Variants in CLASP1 observed in about 807,000 individuals in gnomAD.
CLASP1 encodes cytoplasmic linker associated protein 1.
In CLASP1, 38 loss-of-function variants were observed where a neutral mutation model predicts 192.3. The observed-to-expected ratio is 0.20, with a 90% CI of 0.15 to 0.26. CLASP1 has a LOEUF of 0.26. Among genes scored for constraint, CLASP1 ranks in the 10% least tolerant of loss-of-function variants. CLASP1 has a pLI of 1.00. For missense variants in CLASP1, 1,433 were observed against 1,932.5 expected, an observed-to-expected ratio of 0.74 and a Z score of 4.85; for synonymous variants, 691 against 712.8, an observed-to-expected ratio of 0.97 and a Z score of 0.49.
chr2:121,543,022 T>G (rs2095264309), intron 2 of CLASP1, among the ~76,000 whole-genome samples: 1 of 152,270 alleles, frequency 6.6e-6, no homozygotes, highest in Admixed American at 6.5e-5. Flanking sequence ...TAGCCGCATA[T>G]GGTTACTGAG....
At chr2:121,562,364 A>C (rs997373676) in intron 2 of CLASP1, among the ~76,000 whole-genome samples, 1 of 152,236 alleles carries the variant, frequency 6.6e-6, no homozygotes, top group African/African-American at 2.4e-5. Context: ...AATGCTCAGC[A>C]CGTGGCCTAG....
intron 19 of CLASP1, among the ~76,000 whole-genome samples, chr2:121,438,924 C>A: frequency 6.7e-6 from 1 of 150,272 alleles, no homozygotes; most frequent in Non-Finnish European, 1.5e-5. Flanking sequence ...CCTCCTTGTA[C>A]CTCTGGTAGA....
intron 6 of CLASP1, among the ~76,000 whole-genome samples, chr2:121,524,171 G>C (rs1304871641): frequency 6.6e-6 from 1 of 152,202 alleles, no homozygotes; most frequent in Non-Finnish European, 1.5e-5. Context: ...GTCAGCAACT[G>C]AATGAGGAGA....
intron 2 of CLASP1, among the ~76,000 whole-genome samples, chr2:121,554,742 G>C (rs1207954437): frequency 2.0e-5 from 3 of 152,228 alleles, no homozygotes; most frequent in African/African-American, 7.2e-5. Context: ...GGGTAGAAGT[G>C]AGTGTTGACT....
At position 121,347,005 on chromosome 2, in the gene CLASP1, T is replaced by A. The variant is rs758797191; in HGVS notation, c.4530+33A>T. 9 of 1,317,054 alleles carry A rather than the reference T, an allele frequency of 6.8e-6. No homozygotes were observed. The South Asian group carries it at 1.0e-4, about 15-fold the overall frequency. The allele number at this position is 1,317,054 out of a possible 1,614,324, so 81.6% of individuals were successfully genotyped here. On this transcript the variant is annotated intron_variant, in intron 39 of 39. Coordinates refer to ENST00000263710, the Ensembl canonical transcript of CLASP1. ...TTATGACAAGCTGGCAGAGCCCAGG[T>A]GTGCGTATCAGCCCAGGTAACACTA...
chr2:121,519,476 C>T (rs2094406945), intron 6 of CLASP1, among the ~76,000 whole-genome samples: 1 of 152,172 alleles, frequency 6.6e-6, no homozygotes, highest in Non-Finnish European at 1.5e-5. Context: ...CTTTACCAGG[C>T]CTTCTACCCT....
intron 1 of CLASP1, among the ~76,000 whole-genome samples, chr2:121,641,199 C>G (rs780810059): frequency 2.6e-5 from 4 of 152,066 alleles, no homozygotes; most frequent in Admixed American, 6.6e-5. Flanking sequence ...TTAGCATGTC[C>G]GGGCTACTGT....
At chr2:121,589,411 C>T (rs975800955) in intron 2 of CLASP1, among the ~76,000 whole-genome samples, 3 of 152,130 alleles carry the variant, frequency 2.0e-5, no homozygotes, top group African/African-American at 7.2e-5. Context: ...GGGCAGACCA[C>T]CTAAGGTCAA....
At chr2:121,478,762 C>CACCACA (rs2092079410) in intron 8 of CLASP1, among the ~76,000 whole-genome samples, 1 of 63,592 alleles carries the variant, frequency 1.6e-5, no homozygotes, top group East Asian at 4.5e-4. Context: ...CACACACACA[C>CACCACA]CACACACCCC....
At chr2:121,561,495 G>C (rs1676390374) in intron 2 of CLASP1, among the ~76,000 whole-genome samples, 1 of 152,114 alleles carries the variant, frequency 6.6e-6, no homozygotes, top group African/African-American at 2.4e-5. Flanking sequence ...CAAATATTTA[G>C]ATCAAAAGTA....
At chr2:121,387,553 T>C (rs567074409) in intron 31 of CLASP1, among the ~76,000 whole-genome samples, 12 of 152,320 alleles carry the variant, frequency 7.9e-5, no homozygotes, top group Admixed American at 2.0e-4. Context: ...AGTGAAAATG[T>C]AGTTGACTGA....
chr2:121,505,554 C>A (rs146712053), intron 7 of CLASP1, among the ~76,000 whole-genome samples: 3 of 152,174 alleles, frequency 2.0e-5, no homozygotes, highest in African/African-American at 4.8e-5. Flanking sequence ...TTTTTGTTTG[C>A]TAGCTCTGAG....
chr2:121,485,956 C>A (rs1157910553), intron 8 of CLASP1, among the ~76,000 whole-genome samples: 1 of 152,144 alleles, frequency 6.6e-6, no homozygotes, highest in Non-Finnish European at 1.5e-5. Flanking sequence ...CTAGAGGCCA[C>A]AGAAGTCCAG....
At chr2:121,423,260 C>T (rs1380874497) in intron 22 of CLASP1, among the ~76,000 whole-genome samples, 2 of 152,078 alleles carry the variant, frequency 1.3e-5, no homozygotes, top group African/African-American at 2.4e-5. Context: ...AAGGAAATAA[C>T]TTTCTTCAAA....
chr2:121,439,940 G>A (rs1222931039), intron 19 of CLASP1, among the ~76,000 whole-genome samples: 3 of 114,416 alleles, frequency 2.6e-5, no homozygotes, highest in Non-Finnish European at 5.3e-5. Flanking sequence ...TCGTGGGGTG[G>A]GGGGAGGGGG....
intron 2 of CLASP1, among the ~76,000 whole-genome samples, chr2:121,556,920 T>C (rs907032008): frequency 6.6e-6 from 1 of 152,212 alleles, no homozygotes; most frequent in Non-Finnish European, 1.5e-5. Flanking sequence ...GTACCTGTAG[T>C]ACAGTCCTGT....
chr2:121,515,923 GAC>G, intron 6 of CLASP1, among the ~76,000 whole-genome samples, 161 bp from the exon 7 acceptor site: 1 of 152,096 alleles, frequency 6.6e-6, no homozygotes. Context: ...GCCATGTTTT[GAC>G]AGTTTTCACT....
intron 9 of CLASP1, among the ~76,000 whole-genome samples, chr2:121,467,069 G>A (rs539765891): frequency 1.3e-5 from 2 of 152,330 alleles, no homozygotes; most frequent in East Asian, 3.9e-4. Context: ...AGAACATGTA[G>A]TATTTGGTTT....
At chr2:121,633,046 ATAAT>A (rs901448155) in intron 1 of CLASP1, among the ~76,000 whole-genome samples, 3 of 146,222 alleles carry the variant, frequency 2.1e-5, no homozygotes, top group Non-Finnish European at 4.4e-5. Flanking sequence ...TTTCATGAAT[ATAAT>A]TAATAACATT....
Sources: allele counts gnomAD v4.1 joint callset (sites outside exome capture counted in the v4.1 genomes callset), GRCh38; gene constraint gnomAD v4.1.1; transcripts MANE v1.5; gene names NCBI Gene and HGNC (gene_info 2026-07-23, HGNC 2026-07-21).